Variants in GALM observed in about 807,000 individuals in gnomAD.
GALM encodes galactose mutarotase, also known as aldose 1-epimerase.
A neutral mutation model predicts 37.4 loss-of-function variants in GALM; 43 were observed. That is an observed-to-expected ratio of 1.15 (90% confidence interval 0.90 to 1.48). The LOEUF (loss-of-function observed/expected upper bound fraction) is 1.48. Ranked by LOEUF, GALM falls within the 40% of genes most tolerant of loss-of-function variation. The probability of loss-of-function intolerance (pLI) is 0.00; values close to 1 mark genes in which losing one functional copy is unlikely to be tolerated. For synonymous variants in GALM, 199 were observed against 170.6 expected (o/e 1.17, Z -1.30); for missense variants, 456 against 419.1 (o/e 1.09, Z -0.77).
chr2:38,722,864 C>T (rs962938356), intron 4 of GALM, among the ~76,000 whole-genome samples: 4 of 152,130 alleles, frequency 2.6e-5, no homozygotes, highest in African/African-American at 9.7e-5. Context: ...GTGGAAAGTG[C>T]CTGAGTGGAG....
intron 1 of GALM, among the ~76,000 whole-genome samples, chr2:38,673,375 A>G (rs1023903599): frequency 8.5e-5 from 13 of 152,208 alleles, no homozygotes; most frequent in African/African-American, 3.1e-4. Flanking sequence ...TAATACAGAA[A>G]ACAATCTCCA....
At position 38,729,651 on chromosome 2, in the gene GALM, C is replaced by T; in HGVS notation, c.730C>T (p.His244Tyr). The T allele has an allele frequency of 6.2e-7, 1 of 1,613,492 alleles. No homozygotes were observed. Among genetic ancestry groups the T allele is most frequent in the African/African-American group, 1.3e-5 (1 of 75,004 alleles). Residue 244 changes from histidine to tyrosine, a missense_variant, in exon 5 of 7, where the codon CAC becomes TAC. Physicochemically the swap from His to Tyr is moderately conservative, Grantham distance 83 (BLOSUM62 2). Coordinates refer to ENST00000272252, the MANE Select transcript of GALM (RefSeq NM_138801.3). The stretch of plus-strand genomic sequence containing the variant: ...GGACTTCCATCTCAATGGTTTTGAC[C>T]ACAATTTCTGTCTGAAGGGATCTAA... The part of the protein sequence containing the change: ...LQDFHLNGFD[H>Y]NFCLKGSKEK...
rs145849530 is a variant in GALM, at chr2:38,734,017, G to C, written c.*452G>C. 1.2e-5 allele frequency: 3 copies of C among 244,064 alleles called. No individual in the cohort carries two copies. Among genetic ancestry groups the C allele is most frequent in the Non-Finnish European group, 2.5e-5 (3 of 122,062 alleles). 15.1% of individuals were successfully genotyped at this position (244,064 alleles called of 1,614,324 possible). A position where few individuals can be genotyped will look rare whatever the true frequency, so the allele number is the denominator to read the frequency against. On this transcript the variant is annotated 3_prime_UTR_variant, in exon 7 of 7. Transcript: ENST00000272252. ...CACATTAGCCTCACCCTGCATGCTAGGAGATGGACCTGTCTCTATACAGCA... is the reference window on the plus strand; with the variant it reads ...CACATTAGCCTCACCCTGCATGCTACGAGATGGACCTGTCTCTATACAGCA...
chr2:38,697,594 A>G (rs1164958655), intron 4 of GALM, among the ~76,000 whole-genome samples: 1 of 152,244 alleles, frequency 6.6e-6, no homozygotes, highest in African/African-American at 2.4e-5. Flanking sequence ...ATGGGAAAAC[A>G]CATCATCATG....
At chr2:38,683,989 G>A (rs1386715428) in intron 3 of GALM, among the ~76,000 whole-genome samples, 3 of 152,138 alleles carry the variant, frequency 2.0e-5, no homozygotes, top group South Asian at 2.1e-4. Flanking sequence ...AAGGCACTCC[G>A]GTAGGAGTGG....
intron 4 of GALM, among the ~76,000 whole-genome samples, chr2:38,717,306 A>AGTGT (rs56902027): frequency 0.054 from 7,778 of 143,626 alleles, 372 homozygotes; most frequent in African/African-American, 0.13. Context: ...GTATTAAGGG[A>AGTGT]GTGTGTGTGT....
At position 38,710,753 on chromosome 2, in the gene GALM, CT is replaced by C. The variant is rs531054454; in HGVS notation, c.635-18785del. The stretch of plus-strand genomic sequence containing the variant: ...GTTTGGTCATACTGGTCATTTCCTT[CT>C]TTTTTTTTTTTTTTTTTAGACGGAG... On this transcript the variant is annotated intron_variant, in intron 4 of 6. Transcript: ENST00000272252. 9.6e-3 allele frequency among the ~76,000 whole-genome samples: 1,274 copies of C among 133,378 alleles called. 20 individuals are homozygous for C. Among genetic ancestry groups the C allele is most frequent in the East Asian group, 0.068 (320 of 4,674 alleles). The allele number at this position is 133,378 out of a possible 152,430, so 87.5% of individuals were successfully genotyped here.
intron 4 of GALM, among the ~76,000 whole-genome samples, chr2:38,691,196 G>A (rs1201429245): frequency 6.6e-6 from 1 of 152,220 alleles, no homozygotes; most frequent in Non-Finnish European, 1.5e-5. Flanking sequence ...TATGAAATAA[G>A]TGCATATTTA....
chr2:38,699,215 C>T (rs546323362), intron 4 of GALM, among the ~76,000 whole-genome samples: 5 of 152,176 alleles, frequency 3.3e-5, no homozygotes, highest in South Asian at 4.1e-4. Context: ...TACCTGGCCC[C>T]AGCTGTTATT....
In GALM at chr2:38,676,003, G is replaced by T; in HGVS notation, c.282G>T (p.Glu94Asp). ...GAACCTTCAAGGTGGATGGGAAGGA[G>T]TATCACCTGGCCATTAACAAGGAAC... ...AKGTFKVDGK[E>D]YHLAINKEPN... Residue 94 changes from glutamate to aspartate, a missense_variant, in exon 2 of 7, where the codon GAG becomes GAT. Transcript: ENST00000272252. The T allele has an allele frequency of 6.2e-7, 1 of 1,614,114 alleles. No homozygotes were observed. Among genetic ancestry groups the T allele is most frequent in the Admixed American group, 1.7e-5 (1 of 60,012 alleles).
Position 38,731,847 on chromosome 2 carries a change from G to C in GALM, c.889G>C (p.Val297Leu), listed in dbSNP as rs1040600127. ...DGTLKGKNGA[V>L]YPKHSGFCLE... Reference sequence around the variant, plus strand: ...CACATTAAAGGGCAAGAATGGAGCTGTCTATCCCAAGCACTCCGGTTTCTG... The same window carrying C: ...CACATTAAAGGGCAAGAATGGAGCTCTCTATCCCAAGCACTCCGGTTTCTG... The change falls in exon 6 of 7, where the codon GTC becomes CTC. Residue 297 changes from valine (V) to leucine (L), a missense_variant. Physicochemically the swap from Val to Leu is conservative, Grantham distance 32. Transcript: ENST00000272252. 6.8e-6 allele frequency: 11 copies of C among 1,614,024 alleles called. No homozygotes were observed. The highest frequency in any genetic ancestry group is 5.0e-5 in the Admixed American group (3 of 59,988).
intron 4 of GALM, among the ~76,000 whole-genome samples, chr2:38,725,203 C>G (rs1203211582): frequency 6.6e-6 from 1 of 152,094 alleles, no homozygotes; most frequent in Non-Finnish European, 1.5e-5. Context: ...CTTCCTGAGC[C>G]CATGAGAATA....
intron 4 of GALM, among the ~76,000 whole-genome samples, chr2:38,705,992 C>T (rs1328349176): frequency 1.3e-5 from 2 of 151,920 alleles, no homozygotes; most frequent in Admixed American, 6.6e-5. Context: ...GGATTACAGG[C>T]GTGCACCACC....
At chr2:38,674,214 A>G (rs1399847074) in intron 1 of GALM, among the ~76,000 whole-genome samples, 1 of 144,426 alleles carries the variant, frequency 6.9e-6, no homozygotes, top group Non-Finnish European at 1.5e-5. Flanking sequence ...TTTTTTTGAG[A>G]CAGTCTCGCT....
At chr2:38,681,168 A>G in intron 2 of GALM, 112 bp from the exon 3 acceptor site, 2 of 881,368 alleles carry the variant, frequency 2.3e-6, no homozygotes, top group South Asian at 2.9e-5. Flanking sequence ...AAAAAGTCTT[A>G]ATTGATTGTA....
intron 4 of GALM, among the ~76,000 whole-genome samples, chr2:38,710,173 A>G (rs1666119679): frequency 6.6e-6 from 1 of 152,232 alleles, no homozygotes; most frequent in Non-Finnish European, 1.5e-5. Context: ...GAAAATGCAG[A>G]TTCAGACTCA....
At chr2:38,729,515 T>G in intron 4 of GALM, 41 bp from the exon 5 acceptor site, 3 of 1,597,128 alleles carry the variant, frequency 1.9e-6, no homozygotes, top group Non-Finnish European at 2.6e-6. Context: ...AAGATGAGAC[T>G]TGGGCATTTA....
chr2:38,680,109 C>T (rs1665359383), intron 2 of GALM: 2 of 449,904 alleles, frequency 4.4e-6, no homozygotes, highest in Non-Finnish European at 8.9e-6. Flanking sequence ...GCCTCAACCT[C>T]CTGGGCTCAA....
chr2:38,675,540 TTTTTGTGTG>T (rs1665233298), intron 1 of GALM, among the ~76,000 whole-genome samples: 1 of 93,178 alleles, frequency 1.1e-5, no homozygotes, highest in Non-Finnish European at 2.0e-5. Context: ...TTTTTTTTTT[TTTTTGTGTG>T]TGTGTGTGTG....
Sources: gnomAD v4.1 joint callset for allele counts (sites outside exome capture counted in the v4.1 genomes callset) on GRCh38, gnomAD v4.1.1 for gene constraint, MANE v1.5 for transcripts, NCBI Gene and HGNC (gene_info 2026-07-23, HGNC 2026-07-21) for gene names.